ACYP2: variants seen among roughly 807,000 people sequenced by gnomAD.
ACYP2 encodes the protein acylphosphatase-2.
Under a neutral mutation model 11.2 loss-of-function variants are expected in ACYP2, and 12 were observed. That is an observed-to-expected ratio of 1.08 (90% CI 0.69 to 1.74). The LOEUF is 1.74. ACYP2 is among the 40% of genes most tolerant of loss of function. ACYP2 has a pLI of 0.00. For synonymous variants in ACYP2, 43 were observed against 32.2 expected, an observed-to-expected ratio of 1.33 and a Z score of -1.13; for missense variants, 134 against 101.9, an observed-to-expected ratio of 1.31 and a Z score of -1.35.
At chr2:54,018,314 G>C (rs1398728644) in intron 2 of ACYP2, among the ~76,000 whole-genome samples, 1 of 152,198 alleles carries the variant, frequency 6.6e-6, no homozygotes, top group Admixed American at 6.5e-5. Context: ...TTACACTGAT[G>C]TTGCTGATTC....
intron 4 of ACYP2, among the ~76,000 whole-genome samples, chr2:54,113,826 A>G (rs1196261714): frequency 6.6e-6 from 1 of 152,214 alleles, no homozygotes; most frequent in Non-Finnish European, 1.5e-5. Flanking sequence ...GTTTAAATGC[A>G]GGATTTGCAT....
chr2:54,264,866 A>G (rs543879477), intron 6 of ACYP2, among the ~76,000 whole-genome samples: 1 of 152,342 alleles, frequency 6.6e-6, no homozygotes, highest in South Asian at 2.1e-4. Context: ...AGGTGTGATA[A>G]ATGGCATTAA....
At position 54,121,355 on chromosome 2, in the gene ACYP2, C is replaced by T. The variant is rs564760052; in HGVS notation, c.278-14098C>T. On this transcript the variant is annotated intron_variant, in intron 4 of 6. Transcript: ENST00000607452. ...CACCATTCAGTTGGCTAAAAGGCAT[C>T]GAGGAAGTTCTCACTCTGGTTGTGG... Among the ~76,000 whole-genome samples, 7 of 152,168 alleles carry T rather than the reference C, an allele frequency of 4.6e-5. No individual in the cohort carries two copies. The South Asian group carries it at 1.2e-3, about 27-fold the overall frequency.
At chr2:54,015,017 TC>T (rs1270067093) in intron 2 of ACYP2, among the ~76,000 whole-genome samples, 1 of 152,216 alleles carries the variant, frequency 6.6e-6, no homozygotes, top group Non-Finnish European at 1.5e-5. Flanking sequence ...CTTTGGCTAC[TC>T]AAAGTGGGGT....
chr2:54,255,970 G>C, intron 6 of ACYP2: 1 of 1,614,118 alleles, frequency 6.2e-7, no homozygotes, highest in Admixed American at 1.7e-5. Flanking sequence ...GGGATCCTGG[G>C]GCGCGACCCC....
intron 2 of ACYP2, among the ~76,000 whole-genome samples, chr2:54,026,227 G>C (rs537643865): frequency 4.6e-5 from 7 of 151,886 alleles, no homozygotes; most frequent in Admixed American, 1.3e-4. Context: ...AAATTAGCAA[G>C]AAAAAAACAA....
intron 6 of ACYP2, among the ~76,000 whole-genome samples, chr2:54,276,923 A>C (rs1195576470): frequency 6.6e-6 from 1 of 152,212 alleles, no homozygotes; most frequent in Non-Finnish European, 1.5e-5. Context: ...CTTTTTAAAA[A>C]AGCATAATAC....
chr2:54,088,698 T>C (rs745876680), intron 4 of ACYP2, among the ~76,000 whole-genome samples: 13 of 152,242 alleles, frequency 8.5e-5, no homozygotes, highest in Non-Finnish European at 1.3e-4. Context: ...ATTCTAATTA[T>C]TGAATTGAGA....
chr2:54,254,911 G>C (rs376878276), intron 6 of ACYP2: 2 of 1,603,744 alleles, frequency 1.2e-6, no homozygotes, highest in Non-Finnish European at 1.7e-6. Flanking sequence ...TAATTCCAAA[G>C]GCAAAGGTTA....
At chr2:54,205,489 A>AT (rs1558612470) in intron 6 of ACYP2, among the ~76,000 whole-genome samples, 1 of 152,170 alleles carries the variant, frequency 6.6e-6, no homozygotes, top group African/African-American at 2.4e-5. Context: ...GCCTACTCCT[A>AT]TTATACATCT....
intron 6 of ACYP2, among the ~76,000 whole-genome samples, chr2:54,171,643 T>G (rs1016541659): frequency 4.0e-5 from 6 of 151,608 alleles, no homozygotes; most frequent in South Asian, 2.1e-4. Flanking sequence ...AGGATCTTAG[T>G]TTTTTTTTCC....
intron 2 of ACYP2, among the ~76,000 whole-genome samples, chr2:54,034,774 GC>G (rs1406633216): frequency 1.3e-5 from 2 of 152,190 alleles, no homozygotes; most frequent in African/African-American, 4.8e-5. Flanking sequence ...ACTTTGGGAG[GC>G]CGAGGCGGGT....
chr2:54,256,206 T>G lies in ACYP2; in HGVS notation c.405-48482T>G, dbSNP rs1687524266. ...GAGGCCAGGCCAGAGGTAGGTAGCG[T>G]CAACGTTCCTCACACAAAATGGCGA... On this transcript the variant is annotated intron_variant, in intron 6 of 6. Transcript: ENST00000607452. 7 of 1,533,560 alleles carry G rather than the reference T, an allele frequency of 4.6e-6. No homozygotes were observed. In the Middle Eastern group the frequency reaches 1.3e-3, roughly 279 times the overall value. 95.0% of individuals were successfully genotyped at this position (1,533,560 alleles called of 1,614,324 possible).
intron 6 of ACYP2, among the ~76,000 whole-genome samples, chr2:54,214,569 T>C (rs1685479961): frequency 6.6e-6 from 1 of 152,244 alleles, no homozygotes; most frequent in Admixed American, 6.5e-5. Context: ...GCTTTATTTC[T>C]GGGTTCTCTA....
At chr2:53,998,238 A>G (rs750012906) in intron 2 of ACYP2, among the ~76,000 whole-genome samples, 5 of 152,214 alleles carry the variant, frequency 3.3e-5, no homozygotes, top group African/African-American at 4.8e-5. Flanking sequence ...GCAGAAGCCC[A>G]TGTCCCCAGG....
At chr2:54,195,612 T>C (rs1237786198) in intron 6 of ACYP2, among the ~76,000 whole-genome samples, 1 of 148,548 alleles carries the variant, frequency 6.7e-6, no homozygotes, top group East Asian at 2.0e-4. Flanking sequence ...CGCAGCCACG[T>C]TGCAAGAATG....
chr2:54,019,669 G>C (rs1287726210), intron 2 of ACYP2, among the ~76,000 whole-genome samples: 1 of 151,704 alleles, frequency 6.6e-6, no homozygotes, highest in Non-Finnish European at 1.5e-5. Flanking sequence ...ACCCAGGCTA[G>C]AGTGCAGTGG....
At chr2:54,195,022 A>C (rs1011854246) in intron 6 of ACYP2, among the ~76,000 whole-genome samples, 18 of 152,236 alleles carry the variant, frequency 1.2e-4, no homozygotes, top group Non-Finnish European at 1.6e-4. Flanking sequence ...TCCCCAAACT[A>C]GGTCAGAATA....
chr2:54,291,747 T>G (rs1490918628), intron 6 of ACYP2, among the ~76,000 whole-genome samples: 1 of 152,194 alleles, frequency 6.6e-6, no homozygotes, highest in African/African-American at 2.4e-5. Context: ...TCCTGATACC[T>G]GGACTGATAG....
Sources: gnomAD v4.1 joint callset for allele counts (sites outside exome capture counted in the v4.1 genomes callset) on GRCh38, gnomAD v4.1.1 for gene constraint, MANE v1.5 for transcripts, NCBI Gene and HGNC (gene_info 2026-07-23, HGNC 2026-07-21) for gene names.